The following CCDC171 variants were observed in gnomAD, a reference collection of about 807,000 sequenced individuals.
CCDC171 encodes the protein coiled-coil domain containing 171.
A neutral mutation model predicts 168.2 loss-of-function variants in CCDC171; 177 were observed. The observed-to-expected ratio is 1.05, with a 90% CI of 0.93 to 1.19. CCDC171 has a LOEUF of 1.19. CCDC171 is among the 50% of genes most tolerant of loss of function. CCDC171 has a pLI of 0.00. For missense variants in CCDC171, 1,991 were observed against 1,539.0 expected, an observed-to-expected ratio of 1.29 and a Z score of -4.91; for synonymous variants, 687 against 540.8, an observed-to-expected ratio of 1.27 and a Z score of -3.75.
At chr9:15,653,977 A>T (rs546247053) in intron 7 of CCDC171, among the ~76,000 whole-genome samples, 2 of 152,296 alleles carry the variant, frequency 1.3e-5, no homozygotes, top group African/African-American at 4.8e-5. Flanking sequence ...TAGTTACATC[A>T]GATATCCAAA....
chr9:15,723,339 C>G (rs937821019), intron 12 of CCDC171, among the ~76,000 whole-genome samples: 1 of 152,102 alleles, frequency 6.6e-6, no homozygotes, highest in Non-Finnish European at 1.5e-5. Context: ...CTGCTTCTGG[C>G]ATTTTGGTCC....
intron 25 of CCDC171, among the ~76,000 whole-genome samples, chr9:15,931,780 T>C (rs572232485): frequency 6.6e-6 from 1 of 151,892 alleles, no homozygotes; most frequent in East Asian, 1.9e-4. Flanking sequence ...TATTACCTAT[T>C]TTGAGTTGAT....
chr9:15,979,057 G>A (rs761983816), intron 3 of CCDC171, among the ~76,000 whole-genome samples: 32 of 152,084 alleles, frequency 2.1e-4, no homozygotes, highest in East Asian at 1.9e-4. Flanking sequence ...ATACGGTACC[G>A]TGTATCTACT....
the CCDC171 span, among the ~76,000 whole-genome samples, chr9:16,069,626 A>G: frequency 2.3e-4 from 35 of 152,354 alleles, no homozygotes; most frequent in African/African-American, 8.4e-4. Context: ...AGATTAGCTT[A>G]GCTGTCCCTT....
At chr9:16,074,318 T>G in the CCDC171 span, among the ~76,000 whole-genome samples, 73 of 152,286 alleles carry the variant, frequency 4.8e-4, no homozygotes, top group African/African-American at 1.6e-3. Context: ...GAAAACCAAT[T>G]TTACTGGCAT....
chr9:16,054,996 G>A (rs1191824812), intron 1 of CCDC171, among the ~76,000 whole-genome samples: 1 of 152,228 alleles, frequency 6.6e-6, no homozygotes, highest in African/African-American at 2.4e-5. Context: ...AGGCCAGTTG[G>A]GAAGCTGCTG....
chr9:15,681,103 G>A lies in CCDC171; in HGVS notation c.1215+2207G>A, dbSNP rs557789487. Among the ~76,000 whole-genome samples, 10 of 152,132 alleles carry A rather than the reference G, an allele frequency of 6.6e-5. No individual in the cohort carries two copies. In the East Asian group the frequency reaches 1.9e-3, roughly 29 times the overall value. On this transcript the variant is annotated intron_variant, in intron 10 of 25. Transcript: ENST00000380701. The stretch of plus-strand genomic sequence containing the variant: ...TGATATATGGCCTAAAATAATGCAA[G>A]TGGCAGCTCACCAGCAACCTTTGTT...
chr9:15,916,956 C>G (rs530464841), intron 24 of CCDC171, among the ~76,000 whole-genome samples: 2 of 152,054 alleles, frequency 1.3e-5, no homozygotes, highest in Non-Finnish European at 2.9e-5. Flanking sequence ...GATAAGTTCT[C>G]AAATCCTGGA....
chr9:15,632,047 A>G (rs10810411), intron 7 of CCDC171, among the ~76,000 whole-genome samples: 72,747 of 151,790 alleles, frequency 0.48, 17,860 homozygotes, highest in East Asian at 0.76. Context: ...CTTTATGACA[A>G]ACCCACAGCC....
chr9:15,677,014 G>T (rs2049628891), intron 9 of CCDC171, among the ~76,000 whole-genome samples: 1 of 152,082 alleles, frequency 6.6e-6, no homozygotes, highest in Admixed American at 6.6e-5. Context: ...TGTTCCCAGT[G>T]TTCTGAAATT....
At chr9:16,045,427 C>T (rs1833645418) in intron 1 of CCDC171, among the ~76,000 whole-genome samples, 1 of 152,252 alleles carries the variant, frequency 6.6e-6, no homozygotes, top group African/African-American at 2.4e-5. Context: ...AGGAGGCTTA[C>T]AGCAGCCCTG....
intron 25 of CCDC171, among the ~76,000 whole-genome samples, chr9:15,941,330 A>T (rs757432325): frequency 6.6e-6 from 1 of 151,962 alleles, no homozygotes; most frequent in Non-Finnish European, 1.5e-5. Flanking sequence ...TACTTGGTTA[A>T]CTTATTACTT....
intron 3 of CCDC171, among the ~76,000 whole-genome samples, chr9:16,006,086 T>G (rs1832687622): frequency 6.6e-6 from 1 of 152,106 alleles, no homozygotes; most frequent in Admixed American, 6.6e-5. Flanking sequence ...GGTCTCGAAC[T>G]CCTGACCTCA....
intron 5 of CCDC171, among the ~76,000 whole-genome samples, chr9:15,593,755 A>G (rs950980875): frequency 6.6e-6 from 1 of 152,022 alleles, no homozygotes; most frequent in African/African-American, 2.4e-5. Context: ...ATCCCTATAT[A>G]ATAAACAGGT....
intron 3 of CCDC171, among the ~76,000 whole-genome samples, chr9:15,578,047 T>C (rs1774670412): frequency 6.6e-6 from 1 of 152,298 alleles, no homozygotes; most frequent in South Asian, 2.1e-4. Flanking sequence ...TTTTATTACT[T>C]TATGATCAGT....
intron 24 of CCDC171, among the ~76,000 whole-genome samples, chr9:15,915,820 A>G (rs1326756795): frequency 6.6e-6 from 1 of 152,074 alleles, no homozygotes; most frequent in Non-Finnish European, 1.5e-5. Flanking sequence ...TTTTATCATG[A>G]TGGTATACTG....
exon 2 of CCDC171, chr9:16,060,797 T>A (rs1191483275): frequency 6.6e-6 from 1 of 152,198 alleles, no homozygotes; most frequent in Non-Finnish European, 1.5e-5. Context: ...AACTTCAGAG[T>A]GGACCACAAA....
chr9:16,042,828 C>A (rs1039449207), exon 1 of CCDC171: 1 of 152,096 alleles, frequency 6.6e-6, no homozygotes, highest in Non-Finnish European at 1.5e-5. Flanking sequence ...AAAATAAACA[C>A]ACATGTACAC....
Position 15,993,919 on chromosome 9 carries a change from T to C in CCDC171, n.369-26670T>C, listed in dbSNP as rs1419956192. On this transcript the variant is annotated intron_variant and non_coding_transcript_variant, in intron 3 of 9. Coordinates refer to the CCDC171 transcript ENST00000486641. ...CTTACACCAGTTAGAATGGTGATCA[T>C]TGAAAAGTCAGGAAATAACAGGTGA... 2.4e-4 allele frequency among the ~76,000 whole-genome samples: 37 copies of C among 152,178 alleles called. 2 individuals carry two copies. Among genetic ancestry groups the C allele is most frequent in the Admixed American group, 2.4e-3 (37 of 15,280 alleles).
Sources: gnomAD v4.1 joint callset for allele counts (sites outside exome capture counted in the v4.1 genomes callset) on GRCh38, gnomAD v4.1.1 for gene constraint, MANE v1.5 for transcripts, NCBI Gene and HGNC (gene_info 2026-07-23, HGNC 2026-07-21) for gene names.